The following FRMD3 variants were observed in gnomAD, a reference collection of about 807,000 sequenced individuals.
FRMD3 encodes FERM domain-containing protein 3.
A neutral mutation model predicts 70.2 loss-of-function variants in FRMD3; 33 were observed. The observed-to-expected ratio is 0.47, with a 90% CI of 0.36 to 0.63. The LOEUF (loss-of-function observed/expected upper bound fraction) is 0.63. Among genes scored for constraint, FRMD3 ranks in the 20% least tolerant of loss-of-function variants. FRMD3 has a pLI of 0.00. For synonymous variants in FRMD3, 279 were observed against 255.9 expected (o/e 1.09, Z -0.86); for missense variants, 632 against 711.4 (o/e 0.89, Z 1.27).
chr9:83,485,829 G>C (rs1308898332), intron 1 of FRMD3, among the ~76,000 whole-genome samples: 1 of 152,048 alleles, frequency 6.6e-6, no homozygotes, highest in Non-Finnish European at 1.5e-5. Flanking sequence ...CATGAAGATT[G>C]CTTATCTGTA....
chr9:83,513,837 G>A (rs958675558), intron 1 of FRMD3, among the ~76,000 whole-genome samples: 4 of 152,082 alleles, frequency 2.6e-5, no homozygotes, highest in Non-Finnish European at 4.4e-5. Flanking sequence ...GTGAGGTGTC[G>A]CCTCACCCAG....
intron 1 of FRMD3, among the ~76,000 whole-genome samples, chr9:83,479,994 T>C (rs1003352764): frequency 1.3e-5 from 2 of 152,200 alleles, no homozygotes; most frequent in Non-Finnish European, 2.9e-5. Context: ...ATGCTTCTGG[T>C]AAGCATATAA....
At chr9:83,244,301 C>T (rs1831982559), downstream of FRMD3, among the ~76,000 whole-genome samples, 1 of 150,358 alleles carries the variant, frequency 6.7e-6, no homozygotes, top group Non-Finnish European at 1.5e-5. Flanking sequence ...ACTCTGAAAT[C>T]CATGCTCCTA....
At chr9:83,317,552 T>C (rs150494747) in intron 6 of FRMD3, among the ~76,000 whole-genome samples, 196 of 152,304 alleles carry the variant, frequency 1.3e-3, no homozygotes, top group African/African-American at 4.4e-3. Flanking sequence ...AAAAGCTACA[T>C]GTCATTTATT....
chr9:83,537,187 C>G lies in FRMD3; in HGVS notation c.147+898G>C, dbSNP rs1488150060. Among the ~76,000 whole-genome samples the G allele has an allele frequency of 1.3e-5, 2 of 152,128 alleles. No individual in the cohort carries two copies. The highest frequency in any genetic ancestry group is 4.8e-5 in the African/African-American group (2 of 41,406). On this transcript the variant is annotated intron_variant, in intron 1 of 13. Coordinates refer to ENST00000304195, the MANE Select transcript of FRMD3 (RefSeq NM_174938.6). The surrounding 1 kb of genome is among the most constrained non-coding windows in gnomAD (Gnocchi z 4.1). The stretch of plus-strand genomic sequence containing the variant: ...ACACGCACGCGCAACCACATGCACA[C>G]ACACACCTTTGCACCTCACACTAGC...
At chr9:83,505,904 G>A (rs1395056469) in intron 1 of FRMD3, among the ~76,000 whole-genome samples, 1 of 152,158 alleles carries the variant, frequency 6.6e-6, no homozygotes, top group Non-Finnish European at 1.5e-5. Flanking sequence ...GAGTCCAGAG[G>A]CCCCTCCACC....
In FRMD3 at chr9:83,277,062, C is replaced by G. The variant is rs139287015; in HGVS notation, c.1195+13541G>C. On this transcript the variant is annotated intron_variant, in intron 13 of 13. Transcript: ENST00000304195. The stretch of plus-strand genomic sequence containing the variant: ...TCGCAGGGCTACAATGAGAGATATT[C>G]TCATATACAGTTTGGTGGGATGTGT... Among the ~76,000 whole-genome samples, 62 of 152,230 alleles carry G rather than the reference C, an allele frequency of 4.1e-4. 1 individual carries two copies. The East Asian group carries it at 0.011, about 27-fold the overall frequency.
the FRMD3 span, among the ~76,000 whole-genome samples, chr9:83,565,367 G>A: frequency 2.0e-5 from 3 of 152,194 alleles, no homozygotes; most frequent in Non-Finnish European, 4.4e-5. Context: ...TACTAAAGGC[G>A]CATGCTATAG....
chr9:83,470,786 T>C (rs1828249638), intron 1 of FRMD3, among the ~76,000 whole-genome samples: 1 of 152,220 alleles, frequency 6.6e-6, no homozygotes. Flanking sequence ...GAATAATAAA[T>C]GAATATTTGC....
chr9:83,344,272 C>A (rs1432874532), intron 4 of FRMD3, among the ~76,000 whole-genome samples: 2 of 152,152 alleles, frequency 1.3e-5, no homozygotes, highest in Admixed American at 1.3e-4. Flanking sequence ...GTTTAACTCT[C>A]AAAAACCAAT....
In FRMD3 at chr9:83,298,830, A is replaced by C; in HGVS notation, c.1002-14T>G. The stretch of plus-strand genomic sequence containing the variant: ...GCAACTTTCCCACTGCAAAAGACAG[A>C]AACACATGTGTATGCACACATAGTC... On this transcript the variant is annotated splice_polypyrimidine_tract_variant and intron_variant, in intron 11 of 13. Transcript: ENST00000304195. 1 of 1,613,274 alleles carries C rather than the reference A, an allele frequency of 6.2e-7. No individual in the cohort carries two copies. Among genetic ancestry groups the C allele is most frequent in the South Asian group, 1.1e-5 (1 of 91,068 alleles).
chr9:83,389,764 C>A (rs1186503847), intron 1 of FRMD3, 56 bp from the exon 2 acceptor site: 1 of 1,217,036 alleles, frequency 8.2e-7, no homozygotes, highest in Non-Finnish European at 1.2e-6. Flanking sequence ...CATTCACGTC[C>A]TCAGGGAGCC....
intron 1 of FRMD3, among the ~76,000 whole-genome samples, chr9:83,427,855 C>T (rs1826855117): frequency 6.6e-6 from 1 of 152,066 alleles, no homozygotes; most frequent in Non-Finnish European, 1.5e-5. Flanking sequence ...AAAACATTTC[C>T]TATTCATGAG....
chr9:83,456,482 C>A (rs1318693573), intron 1 of FRMD3, among the ~76,000 whole-genome samples: 1 of 152,118 alleles, frequency 6.6e-6, no homozygotes, highest in Non-Finnish European at 1.5e-5. Flanking sequence ...GTAGCTATTA[C>A]AAAAGTGTAA....
intron 12 of FRMD3, among the ~76,000 whole-genome samples, chr9:83,292,786 T>C (rs1472322044): frequency 6.6e-6 from 1 of 152,220 alleles, no homozygotes; most frequent in Non-Finnish European, 1.5e-5. Flanking sequence ...TAGCTGGGAT[T>C]ACAGGCATCT....
chr9:83,350,093 C>A (rs1254478459), intron 3 of FRMD3, among the ~76,000 whole-genome samples: 1 of 152,098 alleles, frequency 6.6e-6, no homozygotes, highest in Non-Finnish European at 1.5e-5. Flanking sequence ...ATTCTTCCCA[C>A]CCCTTGTGAC....
upstream of FRMD3, among the ~76,000 whole-genome samples, chr9:83,540,945 T>G (rs2131572834): frequency 6.6e-6 from 1 of 152,264 alleles, no homozygotes; most frequent in East Asian, 1.9e-4. Context: ...CAGGAAAGAG[T>G]GGGAATCTGG....
chr9:83,313,559 G>A lies in FRMD3; in HGVS notation c.684+101C>T. 8.7e-6 allele frequency: 8 copies of A among 924,682 alleles called. No homozygotes were observed. The Admixed American group carries it at 1.6e-4, about 18-fold the overall frequency. The allele number at this position is 924,682 out of a possible 1,614,324, so 57.3% of individuals were successfully genotyped here. A position where few individuals can be genotyped will look rare whatever the true frequency, so the allele number is the denominator to read the frequency against. On this transcript the variant is annotated intron_variant, in intron 7 of 13. Transcript: ENST00000304195. The stretch of plus-strand genomic sequence containing the variant: ...CCAATGAGGGACCGTGGGCCAAGCT[G>A]TGGGAAAGATTTAACAAGGCTCTGC...
the FRMD3 span, among the ~76,000 whole-genome samples, chr9:83,576,563 A>G: frequency 6.6e-6 from 1 of 152,068 alleles, no homozygotes; most frequent in Admixed American, 6.6e-5. Flanking sequence ...ACTACCCACG[A>G]GTTATTTTTC....
Sources: gnomAD v4.1 joint callset for allele counts (sites outside exome capture counted in the v4.1 genomes callset) on GRCh38, gnomAD v4.1.1 for gene constraint, Gnocchi (gnomAD v3.1) non-coding constraint, MANE v1.5 for transcripts, NCBI Gene and HGNC (gene_info 2026-07-23, HGNC 2026-07-21) for gene names.